The following SQLE variants were observed in gnomAD, a reference collection of about 807,000 sequenced individuals.
The protein encoded by SQLE is squalene monooxygenase.
A neutral mutation model predicts 60.7 loss-of-function variants in SQLE; 29 were observed. The observed-to-expected ratio is 0.48, with a 90% CI of 0.36 to 0.65. The LOEUF (loss-of-function observed/expected upper bound fraction) is 0.65. Ranked by LOEUF, SQLE falls within the 30% of genes least tolerant of loss-of-function variation. SQLE has a pLI of 0.00. For missense variants in SQLE, 605 were observed against 684.1 expected (o/e 0.88, Z 1.29); for synonymous variants, 237 against 246.8 (o/e 0.96, Z 0.37).
At position 125,020,788 on chromosome 8, in the gene SQLE, C is replaced by T; in HGVS notation, c.1449C>T (p.Ser483=). ...TATTTTACAATTTTATTTTAGATTC[C>T]CTGCATCAACTAAGAAAAGCCTGTT... ...LYELFSATDD[S]LHQLRKACFL... The change falls in exon 10 of 11, where the codon TCC becomes TCT. Residue 483 remains serine, a synonymous_variant. Transcript: ENST00000265896. The T allele has an allele frequency of 6.2e-7, 1 of 1,608,160 alleles. No homozygotes were observed. The highest frequency in any genetic ancestry group is 8.5e-7 in the Non-Finnish European group (1 of 1,175,232).
At chr8:125,004,648 G>T (rs1032171465) in intron 2 of SQLE, among the ~76,000 whole-genome samples, 3 of 151,616 alleles carry the variant, frequency 2.0e-5, no homozygotes, top group African/African-American at 7.3e-5. Context: ...ACATGTTTTT[G>T]TCCATTACTA....
chr8:125,011,901 T>G (rs16900175), intron 7 of SQLE, among the ~76,000 whole-genome samples: 6,864 of 149,318 alleles, frequency 0.046, 458 homozygotes, highest in South Asian at 0.16. Flanking sequence ...GACAGATAAT[T>G]TTACAACACT....
intron 3 of SQLE, 39 bp from the exon 4 acceptor site, chr8:125,007,352 A>G: frequency 7.0e-7 from 1 of 1,419,654 alleles, no homozygotes; most frequent in Non-Finnish European, 9.5e-7. Context: ...AATTGCTGAA[A>G]TGTGCTGCTT....
chr8:125,001,692 T>C (rs912918120), intron 1 of SQLE, among the ~76,000 whole-genome samples: 3 of 150,766 alleles, frequency 2.0e-5, no homozygotes, highest in South Asian at 2.1e-4. Flanking sequence ...AAAAAAAGAA[T>C]AGACAAATTC....
chr8:125,019,223 A>G (rs531253130), intron 9 of SQLE: 45 of 157,566 alleles, frequency 2.9e-4, no homozygotes, highest in Non-Finnish European at 6.1e-4. Context: ...CTGTTTCCAT[A>G]TTATACAGAG....
chr8:125,020,765 T>C lies in SQLE; in HGVS notation c.1445-19T>C. On this transcript the variant is annotated intron_variant, in intron 9 of 10. Transcript: ENST00000265896. ...ATAAGTGTGTACACATATTTGATTA[T>C]TTTACAATTTTATTTTAGATTCCCT... The C allele has an allele frequency of 6.5e-7, 1 of 1,536,760 alleles. No individual in the cohort carries two copies. The highest frequency in any genetic ancestry group is 9.0e-7 in the Non-Finnish European group (1 of 1,112,450).
chr8:125,001,449 G>GGTGTGTGTGTGTGTGTGTGTGTGT (rs57946751), intron 1 of SQLE, among the ~76,000 whole-genome samples: 1 of 136,960 alleles, frequency 7.3e-6, no homozygotes, highest in African/African-American at 2.8e-5. Context: ...CTCCTTTCAG[G>GGTGTGTGTGTGTGTGTGTGTGTGT]GTGTGTGTGT....
intron 1 of SQLE, among the ~76,000 whole-genome samples, chr8:125,001,563 A>G (rs1814853555): frequency 6.6e-6 from 1 of 151,824 alleles, no homozygotes; most frequent in Non-Finnish European, 1.5e-5. Flanking sequence ...CTTGCCCCCT[A>G]CAGTAATTTA....
chr8:125,018,724 G>T lies in SQLE; in HGVS notation c.1441G>T (p.Asp481Tyr). Reference protein sequence around the residue: ...QALYELFSATDDSLHQLRKAC... With the variant: ...QALYELFSATYDSLHQLRKAC... ...TCTTTATGAATTATTTTCTGCCACA[G>T]ATGGTAAGTGTAGACACTTTTTAGT... The change falls in exon 9 of 11, where the codon GAT becomes TAT. Residue 481 changes from aspartate to tyrosine, a missense_variant. By Grantham distance (160) the Asp-to-Tyr change is radical. Coordinates refer to ENST00000265896, the MANE Select transcript of SQLE (RefSeq NM_003129.4). The T allele has an allele frequency of 6.3e-7, 1 of 1,593,346 alleles. No homozygotes were observed. Among genetic ancestry groups the T allele is most frequent in the Non-Finnish European group, 8.6e-7 (1 of 1,169,468 alleles).
intron 2 of SQLE, among the ~76,000 whole-genome samples, chr8:125,004,340 G>T (rs962816858): frequency 6.6e-6 from 1 of 152,090 alleles, no homozygotes; most frequent in Non-Finnish European, 1.5e-5. Context: ...TAACTTTAAA[G>T]ATTATTAAAT....
At chr8:125,004,469 T>C (rs1814914644) in intron 2 of SQLE, among the ~76,000 whole-genome samples, 1 of 152,072 alleles carries the variant, frequency 6.6e-6, no homozygotes, top group South Asian at 2.1e-4. Context: ...AAATATAATA[T>C]TAGTTCATAG....
At chr8:125,012,547 A>G (rs956622568) in intron 7 of SQLE, among the ~76,000 whole-genome samples, 5 of 152,162 alleles carry the variant, frequency 3.3e-5, no homozygotes, top group Admixed American at 6.5e-5. Context: ...ATTTAGCACA[A>G]TGTTTTTGAG....
chr8:125,018,284 T>G lies in SQLE; in HGVS notation c.1347+83T>G, dbSNP rs531585453. The G allele has an allele frequency of 7.0e-6, 10 of 1,418,786 alleles. No homozygotes were observed. The African/African-American group carries it at 1.4e-4, about 20-fold the overall frequency. 87.9% of individuals were successfully genotyped at this position (1,418,786 alleles called of 1,614,324 possible). On this transcript the variant is annotated intron_variant, in intron 8 of 10. Coordinates refer to ENST00000265896, the MANE Select transcript of SQLE (RefSeq NM_003129.4). Reference sequence around the variant, plus strand: ...GAGCAGTGGGGCTCTGATGGGGAGATCTGTACTAAGGAACCTGATGCTTTA... The same window carrying G: ...GAGCAGTGGGGCTCTGATGGGGAGAGCTGTACTAAGGAACCTGATGCTTTA...
At position 125,009,327 on chromosome 8, in the gene SQLE, T is replaced by G; in HGVS notation, c.1092T>G (p.Ile364Met). Residue 364 changes from isoleucine to methionine, a missense_variant, in exon 6 of 11, where the codon ATT becomes ATG. Ile to Met is a conservative substitution (Grantham distance 10, BLOSUM62 1). Coordinates refer to ENST00000265896, the MANE Select transcript of SQLE (RefSeq NM_003129.4). ...RNLREYMVEK[I>M]YPQIPDHLKE... is the part of the protein sequence containing the mutation. ...TAAGAGAATACATGGTTGAAAAAAT[T>G]TACCCACAAATACCTGGTAAGAAAT... 6.2e-7 allele frequency: 1 copy of G among 1,611,696 alleles called. No homozygotes were observed. The highest frequency in any genetic ancestry group is 1.3e-5 in the African/African-American group (1 of 74,914).
At chr8:125,019,453 C>T (rs1391480734) in intron 9 of SQLE, among the ~76,000 whole-genome samples, 1 of 144,820 alleles carries the variant, frequency 6.9e-6, no homozygotes, top group African/African-American at 2.7e-5. Context: ...GGCATGGTGG[C>T]GTGTGCCTGT....
rs1012778767 is a variant in SQLE, at chr8:124,998,954, G to A, written c.-450G>A. 24 of 324,952 alleles carry A rather than the reference G, an allele frequency of 7.4e-5. No individual in the cohort carries two copies. Among genetic ancestry groups the A allele is most frequent in the Non-Finnish European group, 2.2e-5 (4 of 179,780 alleles). The allele number at this position is 324,952 out of a possible 1,614,324, so 20.1% of individuals were successfully genotyped here. A position where few individuals can be genotyped will look rare whatever the true frequency, so the allele number is the denominator to read the frequency against. On this transcript the variant is annotated 5_prime_UTR_variant, in exon 1 of 11. Transcript: ENST00000265896. ...TAGGCCACGTTTCCCCCAGTGCCGAGGTGTTTCTGTGACCCTCCCTCCACT... is the reference window on the plus strand; with the variant it reads ...TAGGCCACGTTTCCCCCAGTGCCGAAGTGTTTCTGTGACCCTCCCTCCACT...
chr8:125,019,067 T>C (rs1815159154), intron 9 of SQLE: 1 of 187,758 alleles, frequency 5.3e-6, no homozygotes, highest in Admixed American at 6.3e-5. Flanking sequence ...CAATGTAGTC[T>C]TTTTCTTCCT....
Position 125,022,052 on chromosome 8 carries a change from A to T in SQLE, c.*107A>T. 5.6e-6 allele frequency: 4 copies of T among 720,298 alleles called. No homozygotes were observed. The highest frequency in any genetic ancestry group is 7.8e-6 in the Non-Finnish European group (4 of 511,652). 44.6% of individuals were successfully genotyped at this position (720,298 alleles called of 1,614,324 possible). On this transcript the variant is annotated 3_prime_UTR_variant, in exon 11 of 11. Coordinates refer to ENST00000265896, the MANE Select transcript of SQLE (RefSeq NM_003129.4). ...TAGTACCATACCACTTATAAAGTGGAAACTCTTGGACCAAGATTTGGATTA... is the reference window on the plus strand; with the variant it reads ...TAGTACCATACCACTTATAAAGTGGTAACTCTTGGACCAAGATTTGGATTA...
At chr8:125,009,386 A>T in intron 6 of SQLE, 43 bp downstream of exon 6, 2 of 1,544,382 alleles carry the variant, frequency 1.3e-6, no homozygotes, top group Non-Finnish European at 1.8e-6. Flanking sequence ...CTGTGTCTAA[A>T]ATAGGCCAGA....
Sources: allele counts gnomAD v4.1 joint callset (sites outside exome capture counted in the v4.1 genomes callset), GRCh38; gene constraint gnomAD v4.1.1; transcripts MANE v1.5; gene names NCBI Gene and HGNC (gene_info 2026-07-23, HGNC 2026-07-21).